Variants in UBXN8 observed in about 807,000 individuals in gnomAD.
UBXN8 encodes the protein UBX domain-containing protein 8.
UBXN8 carries 27 observed loss-of-function variants against 32.1 expected under a neutral mutation model. The ratio of observed to expected loss-of-function variants is 0.84; its 90% CI spans 0.62 to 1.16. The LOEUF is 1.16. Ranked by LOEUF, UBXN8 falls within the 50% of genes most tolerant of loss-of-function variation. UBXN8 has a pLI of 0.00. For missense variants in UBXN8, 306 were observed against 311.4 expected (o/e 0.98, Z 0.13); for synonymous variants, 109 against 111.8 (o/e 0.98, Z 0.16).
chr8:30,763,348 G>A lies in UBXN8; in HGVS notation c.645+1G>A, dbSNP rs1805911967. 6.2e-7 allele frequency: 1 copy of A among 1,613,394 alleles called. No homozygotes were observed. The highest frequency in any genetic ancestry group is 8.5e-7 in the Non-Finnish European group (1 of 1,179,338). On this transcript the variant is annotated splice_donor_variant, in intron 7 of 7. Coordinates refer to ENST00000265616, the MANE Select transcript of UBXN8 (RefSeq NM_005671.4). LOFTEE classifies it high-confidence loss of function. ...GTTTTTGAAGTCCTACAGCTCACAG[G>A]TAAGTGAAGGAATTCACATTTTGAG...
chr8:30,750,900 C>T (rs967177870), intron 1 of UBXN8, among the ~76,000 whole-genome samples: 1 of 151,852 alleles, frequency 6.6e-6, no homozygotes, highest in Non-Finnish European at 1.5e-5. Context: ...AGGCTTTTTT[C>T]CCCGTCGTTA....
intron 5 of UBXN8, among the ~76,000 whole-genome samples, chr8:30,760,420 CATATATAT>C (rs1307823939): frequency 1.2e-5 from 1 of 85,604 alleles, no homozygotes; most frequent in African/African-American, 4.2e-5. Flanking sequence ...CATACACAAT[CATATATAT>C]ATATATATAT....
At chr8:30,762,006 T>A (rs1805846576) in intron 6 of UBXN8, among the ~76,000 whole-genome samples, 1 of 150,510 alleles carries the variant, frequency 6.6e-6, no homozygotes, top group South Asian at 2.1e-4. Context: ...GGGCAATAAA[T>A]CCAGAAGGAG....
upstream of UBXN8, among the ~76,000 whole-genome samples, chr8:30,730,964 G>A (rs1459610117): frequency 1.3e-5 from 2 of 152,228 alleles, no homozygotes; most frequent in African/African-American, 2.4e-5. Flanking sequence ...CAGGCCCGGC[G>A]AAATGCCGAG....
chr8:30,759,316 A>G (rs1805761914), intron 5 of UBXN8, among the ~76,000 whole-genome samples: 1 of 152,058 alleles, frequency 6.6e-6, no homozygotes, highest in African/African-American at 2.4e-5. Flanking sequence ...GCTCACTGCA[A>G]TCTCTGCCTC....
At chr8:30,743,460 G>A (rs1222751744), upstream of UBXN8, among the ~76,000 whole-genome samples, 1 of 152,046 alleles carries the variant, frequency 6.6e-6, no homozygotes, top group Non-Finnish European at 1.5e-5. Context: ...GGCCAGGAAA[G>A]ATAATTTCCA....
chr8:30,730,540 C>T (rs191388863), upstream of UBXN8, among the ~76,000 whole-genome samples: 310 of 152,204 alleles, frequency 2.0e-3, 2 homozygotes, highest in African/African-American at 6.2e-3. Flanking sequence ...TATGTAAGGA[C>T]CCAGTTACCG....
chr8:30,753,050 A>G lies in UBXN8; in HGVS notation c.227A>G (p.Asn76Ser), dbSNP rs1038332583. 6 of 1,529,748 alleles carry G rather than the reference A, an allele frequency of 3.9e-6. No homozygotes were observed. The highest frequency in any genetic ancestry group is 3.4e-4 in the Middle Eastern group (2 of 5,924). 94.8% of individuals were successfully genotyped at this position (1,529,748 alleles called of 1,614,324 possible). Residue 76 changes from asparagine (N) to serine (S), a missense_variant, in exon 3 of 8, where the codon AAT becomes AGT. Transcript: ENST00000265616. ...GATGTCTTAGAAGAAGAAGAAAAGA[A>G]TGAGAAAAGACAAAAACTTGTGAGA... is the stretch of plus-strand genomic sequence containing the variant. ...QVYLKEEEEK[N>S]EKRQKLVRKK... is the part of the protein sequence containing the mutation.
At chr8:30,731,366 G>A (rs545259019), upstream of UBXN8, among the ~76,000 whole-genome samples, 84 of 152,226 alleles carry the variant, frequency 5.5e-4, 1 homozygote, top group South Asian at 0.015. Context: ...TGACATCATC[G>A]GAGCCATGGG....
At chr8:30,759,818 A>T (rs756901236) in intron 5 of UBXN8, among the ~76,000 whole-genome samples, 37 of 151,102 alleles carry the variant, frequency 2.4e-4, no homozygotes, top group Non-Finnish European at 5.0e-4. Context: ...TTAGCGGGGC[A>T]TGGTGGCAGG....
At position 30,747,871 on chromosome 8, in the gene UBXN8, T is replaced by C. The variant is rs149026604; in HGVS notation, c.89-3525T>C. 2.6e-3 allele frequency among the ~76,000 whole-genome samples: 350 copies of C among 134,084 alleles called. 39 individuals carry two copies. Among genetic ancestry groups the C allele is most frequent in the African/African-American group, 9.5e-3 (326 of 34,216 alleles). 88.0% of individuals were successfully genotyped at this position (134,084 alleles called of 152,430 possible). A position where few individuals can be genotyped will look rare whatever the true frequency, so the allele number is the denominator to read the frequency against. On this transcript the variant is annotated intron_variant, in intron 1 of 7. Transcript: ENST00000265616. ...CCCAGCACTTTGGGAGGCCAAGTTT[T>C]CTTTTTTTAATATATATTTTTTCTT...
intron 1 of UBXN8, among the ~76,000 whole-genome samples, chr8:30,738,558 G>T (rs1430735901): frequency 6.6e-6 from 1 of 151,622 alleles, no homozygotes; most frequent in Non-Finnish European, 1.5e-5. Flanking sequence ...CTACTCAGGA[G>T]GCTAAGGCAG....
intron 1 of UBXN8, among the ~76,000 whole-genome samples, chr8:30,733,479 GT>G (rs916330190): frequency 2.6e-5 from 4 of 152,324 alleles, no homozygotes; most frequent in Admixed American, 6.5e-5. Flanking sequence ...CAAGGTGGCA[GT>G]TATACATTGC....
intron 1 of UBXN8, among the ~76,000 whole-genome samples, chr8:30,735,611 G>A (rs750487824): frequency 6.6e-6 from 1 of 152,178 alleles, no homozygotes; most frequent in Non-Finnish European, 1.5e-5. Context: ...GGCCAAGGTG[G>A]TTGGATCACT....
intron 5 of UBXN8, 140 bp downstream of exon 5, chr8:30,757,027 C>A: frequency 7.5e-7 from 1 of 1,333,112 alleles, no homozygotes; most frequent in Non-Finnish European, 1.0e-6. Context: ...ACAAAGCAAT[C>A]ACCCCAGAAT....
At chr8:30,763,209 A>G (rs1235166087) in intron 6 of UBXN8, 64 bp from the exon 7 acceptor site, 2 of 1,516,810 alleles carry the variant, frequency 1.3e-6, no homozygotes, top group Non-Finnish European at 1.8e-6. Context: ...TAGCTGTTTT[A>G]TGGAATGAAA....
In UBXN8 at chr8:30,753,015, T is replaced by G; in HGVS notation, c.212-20T>G. The G allele has an allele frequency of 6.7e-7, 1 of 1,500,206 alleles. No homozygotes were observed. Among genetic ancestry groups the G allele is most frequent in the South Asian group, 1.4e-5 (1 of 73,168 alleles). The allele number at this position is 1,500,206 out of a possible 1,614,324, so 92.9% of individuals were successfully genotyped here. ...AGATACTTGGGAAGTAAAAAGCACT[T>G]TTATGTTTTGATGTCTTAGAAGAAG... On this transcript the variant is annotated intron_variant, in intron 2 of 7. Coordinates refer to ENST00000265616, the MANE Select transcript of UBXN8 (RefSeq NM_005671.4).
chr8:30,731,677 G>A (rs183288771), upstream of UBXN8, among the ~76,000 whole-genome samples: 2 of 152,100 alleles, frequency 1.3e-5, no homozygotes, highest in East Asian at 1.9e-4. Context: ...GAGTGTGGGC[G>A]GAAGACAACC....
At chr8:30,756,679 AAAAAAGG>A in intron 4 of UBXN8, 79 bp from the exon 5 acceptor site, 2 of 1,566,574 alleles carry the variant, frequency 1.3e-6, no homozygotes, top group East Asian at 2.3e-5. Flanking sequence ...CATCAGGGTA[AAAAAAGG>A]AAAAAGGAAA....
Sources: allele counts gnomAD v4.1 joint callset (sites outside exome capture counted in the v4.1 genomes callset), GRCh38; gene constraint gnomAD v4.1.1; transcripts MANE v1.5; gene names NCBI Gene and HGNC (gene_info 2026-07-23, HGNC 2026-07-21).